EPHB2: variants seen among roughly 807,000 people sequenced by gnomAD.
The protein encoded by EPHB2 is EPH receptor B2.
A neutral mutation model predicts 96.4 loss-of-function variants in EPHB2; 18 were observed. The ratio of observed to expected loss-of-function variants is 0.19; its 90% CI spans 0.13 to 0.28. EPHB2 has a LOEUF of 0.28. EPHB2 is among the 10% of genes least tolerant of loss of function. EPHB2 has a pLI of 1.00. For synonymous variants in EPHB2, 506 were observed against 534.1 expected, an observed-to-expected ratio of 0.95 and a Z score of 0.72; for missense variants, 989 against 1,355.4, an observed-to-expected ratio of 0.73 and a Z score of 4.25.
At chr1:22,756,823 G>A (rs547061464) in intron 1 of EPHB2, among the ~76,000 whole-genome samples, 4 of 152,318 alleles carry the variant, frequency 2.6e-5, no homozygotes, top group Admixed American at 2.6e-4. Flanking sequence ...GCTGTAGACA[G>A]AACATGCTAG....
intron 9 of EPHB2, among the ~76,000 whole-genome samples, chr1:22,898,170 G>A (rs1411668400): frequency 1.3e-5 from 2 of 151,338 alleles, no homozygotes; most frequent in Non-Finnish European, 3.0e-5. Flanking sequence ...AAAGAAAAGA[G>A]AAATACATGT....
At chr1:22,835,914 C>T (rs1333891595) in intron 3 of EPHB2, 2 of 152,090 alleles carry the variant, frequency 1.3e-5, no homozygotes, top group African/African-American at 4.8e-5. Flanking sequence ...CGTTTTAATC[C>T]CTCGTCATGT....
intron 11 of EPHB2, among the ~76,000 whole-genome samples, chr1:22,907,594 A>G (rs1639959004): frequency 6.6e-6 from 1 of 152,162 alleles, no homozygotes. Flanking sequence ...CCTTCCATAC[A>G]CCTTCTTGTA....
intron 3 of EPHB2, among the ~76,000 whole-genome samples, chr1:22,840,446 G>T (rs967035806): frequency 4.6e-5 from 7 of 152,194 alleles, no homozygotes; most frequent in Non-Finnish European, 7.4e-5. Flanking sequence ...GATGGAAAAT[G>T]CCCCAAATCA....
At chr1:22,759,029 A>T (rs1314223616) in intron 1 of EPHB2, among the ~76,000 whole-genome samples, 1 of 152,054 alleles carries the variant, frequency 6.6e-6, no homozygotes, top group Admixed American at 6.6e-5. Flanking sequence ...TGATGGGTGG[A>T]TGGATGGATG....
intron 3 of EPHB2, among the ~76,000 whole-genome samples, chr1:22,853,674 G>A (rs2148512126): frequency 6.6e-6 from 1 of 152,378 alleles, no homozygotes; most frequent in Non-Finnish European, 1.5e-5. Flanking sequence ...AGGCCCAGAG[G>A]CGAGACCAAG....
intron 6 of EPHB2, among the ~76,000 whole-genome samples, chr1:22,891,757 A>AGGTGGC (rs1319867460): frequency 2.0e-5 from 3 of 151,270 alleles, no homozygotes; most frequent in Non-Finnish European, 4.4e-5. Context: ...CATTAGATAG[A>AGGTGGC]GGTGGCTCCA....
intron 1 of EPHB2, among the ~76,000 whole-genome samples, chr1:22,716,788 C>G (rs1333612260): frequency 2.0e-5 from 3 of 152,228 alleles, no homozygotes; most frequent in Non-Finnish European, 4.4e-5. Context: ...GCAGATGGAG[C>G]CTGCTGGTGA....
rs1398885092 is a variant in EPHB2 at position 22,858,530 on chromosome 1, A to T, written c.812-4507A>T. ...GTTTCAAAGGGGAGGAGGCCTTCCC[A>T]AGCCCACACGCCCGTCAGAGGTACA... On this transcript the variant is annotated intron_variant, in intron 3 of 15. Coordinates refer to ENST00000374630, the MANE Select transcript of EPHB2 (RefSeq NM_017449.5). The surrounding 1 kb of genome is among the most constrained non-coding windows in gnomAD (Gnocchi z 7.7). Among the ~76,000 whole-genome samples, 1 of 152,150 alleles carries T rather than the reference A, an allele frequency of 6.6e-6. No homozygotes were observed. The highest frequency in any genetic ancestry group is 1.9e-4 in the East Asian group (1 of 5,194).
intron 3 of EPHB2, among the ~76,000 whole-genome samples, chr1:22,829,118 G>C (rs981668146): frequency 2.0e-5 from 3 of 152,154 alleles, no homozygotes; most frequent in Non-Finnish European, 2.9e-5. Context: ...TCTTGTGCCA[G>C]ATCCTGTGCA....
At chr1:22,904,996 G>T (rs1172819159) in intron 9 of EPHB2, among the ~76,000 whole-genome samples, 1 of 152,228 alleles carries the variant, frequency 6.6e-6, no homozygotes, top group Non-Finnish European at 1.5e-5. Context: ...GAGAATGTGA[G>T]CAGGATGCTG....
intron 4 of EPHB2, 133 bp downstream of exon 4, chr1:22,863,325 G>A (rs1251064837): frequency 1.4e-6 from 2 of 1,467,300 alleles, no homozygotes; most frequent in East Asian, 2.4e-5. Context: ...ATGGAAAAGT[G>A]CTCAAGAAAG....
chr1:22,785,371 T>A (rs1001701465), intron 3 of EPHB2, among the ~76,000 whole-genome samples: 1 of 152,246 alleles, frequency 6.6e-6, no homozygotes, highest in African/African-American at 2.4e-5. Context: ...TCAAGTGGTG[T>A]CAATTTCTTC....
At chr1:22,905,907 C>A in intron 9 of EPHB2, 80 bp from the exon 10 acceptor site, 1 of 1,607,296 alleles carries the variant, frequency 6.2e-7, no homozygotes, top group Non-Finnish European at 8.5e-7. Flanking sequence ...TTTCCCTCCA[C>A]GGAGGGACTG....
intron 5 of EPHB2, among the ~76,000 whole-genome samples, chr1:22,868,325 G>A (rs113847847): frequency 6.6e-5 from 10 of 152,294 alleles, no homozygotes; most frequent in African/African-American, 1.7e-4. Context: ...AGCAGAGACC[G>A]AGGCTTGGCT....
rs1640390323 is a variant in EPHB2 at position 22,921,249 on chromosome 1, T to C, written c.*7679T>C. 12 of 152,186 alleles carry C rather than the reference T, an allele frequency of 7.9e-5. No individual in the cohort carries two copies. The highest frequency in any genetic ancestry group is 7.9e-4 in the Admixed American group (12 of 15,278). 9.4% of individuals were successfully genotyped at this position (152,186 alleles called of 1,614,324 possible). A position where few individuals can be genotyped will look rare whatever the true frequency, so the allele number is the denominator to read the frequency against. On this transcript the variant is annotated 3_prime_UTR_variant, in exon 16 of 16. Transcript: ENST00000374630. ...AGGGTATGGGGCTGTCTGGCAGGGTTTCCCAGAACCCTGTTTCCTGTGGTC... is the reference window on the plus strand; with the variant it reads ...AGGGTATGGGGCTGTCTGGCAGGGTCTCCCAGAACCCTGTTTCCTGTGGTC...
At chr1:22,847,609 G>A (rs1427399483) in intron 3 of EPHB2, among the ~76,000 whole-genome samples, 2 of 152,194 alleles carry the variant, frequency 1.3e-5, no homozygotes, top group Non-Finnish European at 1.5e-5. Flanking sequence ...CCAGGGCCCA[G>A]GCAGGCTGCT....
intron 1 of EPHB2, among the ~76,000 whole-genome samples, chr1:22,722,773 AAC>A (rs761511909): frequency 1.3e-5 from 2 of 152,288 alleles, no homozygotes; most frequent in South Asian, 2.1e-4. Flanking sequence ...TCTGACACTT[AAC>A]AGTGTTACCT....
chr1:22,724,514 G>A (rs1050102424), intron 1 of EPHB2, among the ~76,000 whole-genome samples: 1 of 152,174 alleles, frequency 6.6e-6, no homozygotes, highest in Non-Finnish European at 1.5e-5. Flanking sequence ...CTGGCATAGA[G>A]CTCTTGGTGT....
Sources: gnomAD v4.1 joint callset for allele counts (sites outside exome capture counted in the v4.1 genomes callset) on GRCh38, gnomAD v4.1.1 for gene constraint, Gnocchi (gnomAD v3.1) non-coding constraint, MANE v1.5 for transcripts, NCBI Gene and HGNC (gene_info 2026-07-23, HGNC 2026-07-21) for gene names.